The following ZMIZ1 variants were observed in gnomAD, a reference collection of about 807,000 sequenced individuals.
The protein encoded by ZMIZ1 is zinc finger MIZ-type containing 1.
Under a neutral mutation model 113.9 loss-of-function variants are expected in ZMIZ1, and 17 were observed. That is an observed-to-expected ratio of 0.15 (90% confidence interval 0.10 to 0.22). The LOEUF is 0.22. Among genes scored for constraint, ZMIZ1 ranks in the 10% least tolerant of loss-of-function variants. The pLI is 1.00. For synonymous variants in ZMIZ1, 607 were observed against 603.1 expected (o/e 1.01, Z -0.09); for missense variants, 1,059 against 1,477.8 (o/e 0.72, Z 4.65).
chr10:79,143,188 A>G (rs535567128), intron 3 of ZMIZ1, among the ~76,000 whole-genome samples: 5 of 152,096 alleles, frequency 3.3e-5, no homozygotes, highest in African/African-American at 4.8e-5. Context: ...CCACCGCTCC[A>G]TCTCTCCCTT....
intron 4 of ZMIZ1, among the ~76,000 whole-genome samples, chr10:79,187,221 G>A (rs1395154703): frequency 6.6e-6 from 1 of 152,226 alleles, no homozygotes; most frequent in African/African-American, 2.4e-5. Flanking sequence ...CAAGGCCATG[G>A]AGTCCAGGGT....
chr10:79,190,829 C>G (rs1228281866), intron 4 of ZMIZ1, among the ~76,000 whole-genome samples: 2 of 152,192 alleles, frequency 1.3e-5, no homozygotes, highest in Non-Finnish European at 2.9e-5. Context: ...TGAAAAGAAC[C>G]TGGCTGTGAC....
chr10:79,108,279 G>A (rs1843625631), intron 1 of ZMIZ1, among the ~76,000 whole-genome samples: 1 of 152,208 alleles, frequency 6.6e-6, no homozygotes, highest in Admixed American at 6.5e-5. Context: ...TTACAGACAG[G>A]GGAAGTGAGG....
chr10:79,275,524 A>T (rs1318900031), intron 7 of ZMIZ1, among the ~76,000 whole-genome samples: 2 of 152,196 alleles, frequency 1.3e-5, no homozygotes, highest in Non-Finnish European at 2.9e-5. Context: ...CCCGTCCAGG[A>T]TCTGGGCGGC....
At chr10:79,241,312 C>T (rs972081766) in intron 7 of ZMIZ1, among the ~76,000 whole-genome samples, 68 of 152,092 alleles carry the variant, frequency 4.5e-4, no homozygotes, top group Non-Finnish European at 4.7e-4. Flanking sequence ...GGGAGATGGG[C>T]GAGTCTTCAC....
intron 6 of ZMIZ1, among the ~76,000 whole-genome samples, chr10:79,213,367 C>T (rs926414219): frequency 1.3e-5 from 2 of 152,198 alleles, no homozygotes; most frequent in African/African-American, 4.8e-5. Context: ...TCAGCTCACT[C>T]TGCCATACCT....
At chr10:79,081,988 C>G (rs1298067549) in intron 1 of ZMIZ1, among the ~76,000 whole-genome samples, 1 of 152,256 alleles carries the variant, frequency 6.6e-6, no homozygotes, top group African/African-American at 2.4e-5. Context: ...CACGACAAGT[C>G]CCTGGCAGAG....
chr10:79,264,130 G>C (rs1450778916), intron 7 of ZMIZ1, among the ~76,000 whole-genome samples: 1 of 152,232 alleles, frequency 6.6e-6, no homozygotes, highest in Admixed American at 6.5e-5. Context: ...AGGCTCCGTG[G>C]TTCCTGGGCA....
intron 5 of ZMIZ1, among the ~76,000 whole-genome samples, chr10:79,204,724 G>A (rs952866490): frequency 6.6e-6 from 1 of 152,228 alleles, no homozygotes; most frequent in Non-Finnish European, 1.5e-5. Context: ...ACTGATAGAT[G>A]GATACATAAG....
At chr10:79,302,018 C>A in intron 17 of ZMIZ1, 89 bp from the exon 18 acceptor site, 1 of 1,363,512 alleles carries the variant, frequency 7.3e-7, no homozygotes, top group Non-Finnish European at 1.0e-6. Context: ...CTGTGGGATC[C>A]TGGGAGCAGT....
intron 17 of ZMIZ1, among the ~76,000 whole-genome samples, chr10:79,301,346 C>T (rs978817786): frequency 3.3e-5 from 5 of 152,096 alleles, no homozygotes; most frequent in Admixed American, 2.6e-4. Context: ...TCCCCCAGAC[C>T]CAACGCCCCC....
intron 3 of ZMIZ1, among the ~76,000 whole-genome samples, chr10:79,155,018 G>A (rs1370032858): frequency 6.6e-6 from 1 of 152,166 alleles, no homozygotes; most frequent in Non-Finnish European, 1.5e-5. Context: ...GTGACTCTTA[G>A]TATCCCCCAT....
intron 18 of ZMIZ1, among the ~76,000 whole-genome samples, chr10:79,303,021 C>T (rs528788409): frequency 6.6e-6 from 1 of 152,062 alleles, no homozygotes; most frequent in Non-Finnish European, 1.5e-5. Context: ...ACCACCGCAC[C>T]TGGCTAATTT....
chr10:79,097,906 C>T (rs1381847362), intron 1 of ZMIZ1, among the ~76,000 whole-genome samples: 2 of 152,198 alleles, frequency 1.3e-5, no homozygotes, highest in South Asian at 2.1e-4. Flanking sequence ...TTCTGTGCAG[C>T]TTCATTACCA....
chr10:79,156,925 T>C (rs746992097), intron 3 of ZMIZ1, among the ~76,000 whole-genome samples: 2 of 152,216 alleles, frequency 1.3e-5, no homozygotes, highest in Non-Finnish European at 2.9e-5. Context: ...CCTGTCCTTA[T>C]GGGCCTCGAG....
intron 4 of ZMIZ1, among the ~76,000 whole-genome samples, chr10:79,162,857 C>T (rs74141794): frequency 0.046 from 6,965 of 152,244 alleles, 477 homozygotes; most frequent in African/African-American, 0.15. Context: ...CTGGACCCCC[C>T]GCCTGATAAG....
intron 6 of ZMIZ1, among the ~76,000 whole-genome samples, chr10:79,215,018 C>T (rs1433151331): frequency 6.6e-6 from 1 of 150,864 alleles, no homozygotes; most frequent in Non-Finnish European, 1.5e-5. Context: ...TGCCGCCTCT[C>T]ACCCTGCCAG....
chr10:79,305,142 G>GTGTC (rs762288999), intron 19 of ZMIZ1, 22 bp from the exon 20 acceptor site: 22 of 1,613,426 alleles, frequency 1.4e-5, no homozygotes, highest in Middle Eastern at 1.6e-4. Context: ...GGTCTCACCT[G>GTGTC]TGTCTGTCTG....
chr10:79,276,144 G>A (rs1852272668), intron 7 of ZMIZ1, among the ~76,000 whole-genome samples: 1 of 152,168 alleles, frequency 6.6e-6, no homozygotes, highest in Non-Finnish European at 1.5e-5. Context: ...TGCAGCCTGG[G>A]AGGAAGGCAG....
Sources: allele counts gnomAD v4.1 joint callset (sites outside exome capture counted in the v4.1 genomes callset), GRCh38; gene constraint gnomAD v4.1.1; transcripts MANE v1.5; gene names NCBI Gene and HGNC (gene_info 2026-07-23, HGNC 2026-07-21).